ZNF516: variants seen among roughly 807,000 people sequenced by gnomAD.
The protein encoded by ZNF516 is zinc finger protein 516.
ZNF516 carries 19 observed loss-of-function variants against 79.7 expected under a neutral mutation model. The ratio of observed to expected loss-of-function variants is 0.24; its 90% CI spans 0.17 to 0.35. The LOEUF (loss-of-function observed/expected upper bound fraction) is 0.35, where lower values mean the gene tolerates loss of function less well. Among genes scored for constraint, ZNF516 ranks in the 10% least tolerant of loss-of-function variants. ZNF516 has a pLI of 1.00. For synonymous variants in ZNF516, 877 were observed against 739.5 expected (o/e 1.19, Z -3.02); for missense variants, 1,678 against 1,679.5 (o/e 1.00, Z 0.02).
rs373836297 is a variant in ZNF516, at chr18:76,369,528, CTCTTA to C, written c.3432+995_3432+999del. Among the ~76,000 whole-genome samples the C allele has an allele frequency of 9.8e-4, 150 of 152,292 alleles. 1 individual carries two copies. The highest frequency in any genetic ancestry group is 3.4e-3 in the African/African-American group (141 of 41,556). On this transcript the variant is annotated intron_variant, in intron 6 of 6. Coordinates refer to ENST00000443185, the MANE Select transcript of ZNF516 (RefSeq NM_014643.4). ...GGTCCTTGGTGAAGCCATTTCATGC[CTCTTA>C]TCTTTTTCCTCTAGAAATAAACTAG...
chr18:76,473,915 G>GC (rs1914025360), intron 1 of ZNF516, among the ~76,000 whole-genome samples: 1 of 133,952 alleles, frequency 7.5e-6, no homozygotes, highest in African/African-American at 2.6e-5. Context: ...GGGGGGGGGG[G>GC]GGCTTTCTTT....
chr18:76,469,728 C>G (rs1913714155), intron 1 of ZNF516, among the ~76,000 whole-genome samples: 1 of 152,208 alleles, frequency 6.6e-6, no homozygotes, highest in Admixed American at 6.5e-5. Context: ...GGTTAAACCA[C>G]TGTACTCAGA....
At chr18:76,422,107 G>C (rs186852961) in intron 3 of ZNF516, among the ~76,000 whole-genome samples, 2 of 152,220 alleles carry the variant, frequency 1.3e-5, no homozygotes, top group Non-Finnish European at 2.9e-5. Context: ...ATCTATGCTA[G>C]TATCACCCAA....
At chr18:76,412,931 C>T (rs2075389103) in intron 3 of ZNF516, among the ~76,000 whole-genome samples, 1 of 152,226 alleles carries the variant, frequency 6.6e-6, no homozygotes, top group Admixed American at 6.5e-5. Context: ...CCATAACCTA[C>T]CCGGAACCTA....
Position 76,380,376 on chromosome 18 carries a change from A to T in ZNF516, c.1811-73T>A, listed in dbSNP as rs2074871889. On this transcript the variant is annotated intron_variant, in intron 3 of 6. Coordinates refer to ENST00000443185, the MANE Select transcript of ZNF516 (RefSeq NM_014643.4). ...ACACAGCAAGACACACGGTGCGTAC[A>T]GCTACAGCATGTTCCAAGCCATCTG... 4 of 1,540,688 alleles carry T rather than the reference A, an allele frequency of 2.6e-6. No individual in the cohort carries two copies. The African/African-American group carries it at 5.4e-5, about 21-fold the overall frequency.
At chr18:76,378,782 G>A in intron 4 of ZNF516, 73 bp downstream of exon 4, 5 of 1,532,820 alleles carry the variant, frequency 3.3e-6, no homozygotes, top group Non-Finnish European at 4.4e-6. Flanking sequence ...CAGGTGCGCA[G>A]CAGCCCTGGC....
At chr18:76,407,188 C>G (rs1239342389) in intron 3 of ZNF516, among the ~76,000 whole-genome samples, 3 of 152,152 alleles carry the variant, frequency 2.0e-5, no homozygotes, top group Non-Finnish European at 2.9e-5. Flanking sequence ...CCAAGGCAGC[C>G]TTCCAAAGGC....
At chr18:76,404,714 C>A (rs568404088) in intron 3 of ZNF516, among the ~76,000 whole-genome samples, 2 of 144,140 alleles carry the variant, frequency 1.4e-5, no homozygotes, top group Non-Finnish European at 1.5e-5. Flanking sequence ...AGCATATGCA[C>A]GTGTGCATGT....
chr18:76,379,224 G>A lies in ZNF516; in HGVS notation c.2890C>T (p.Pro964Ser), dbSNP rs763894661. The change falls in exon 4 of 7, where the codon CCC (proline) becomes TCC (serine). Residue 964 changes from proline to serine, a missense_variant. Pro to Ser is a moderately conservative substitution (Grantham distance 74). This residue lies in a region of ZNF516 where 1,294 missense variants were observed against 1,248.3 expected (regional missense o/e 1.04). Coordinates refer to ENST00000443185, the MANE Select transcript of ZNF516 (RefSeq NM_014643.4). ...TCCGGGGCACTGTGCTTATTTGTGG[G>A]GGCAAAGCCAGCCCCCGCTGGGGGG... ...GVPPAGAGFA[P>S]TNKHSAPDSL... is the part of the protein sequence containing the mutation. 4.3e-6 allele frequency: 7 copies of A among 1,612,700 alleles called. No homozygotes were observed. Among genetic ancestry groups the A allele is most frequent in the South Asian group, 1.1e-5 (1 of 91,090 alleles).
At position 76,441,500 on chromosome 18, in the gene ZNF516, C is replaced by A; in HGVS notation, c.1555G>T (p.Glu519Ter). Residue 519 changes from glutamate (E) to a stop codon, truncating the protein, a stop_gained, in exon 3 of 7, where the codon GAG (glutamate) becomes TAG (stop). Transcript: ENST00000443185. LOFTEE classifies it high-confidence loss of function. ...TAGGTGCGGAAGATCTTGCCGCACTCGAAGCACTCGGAGGACTTGCCCTGG... is the reference window on the plus strand; with the variant it reads ...TAGGTGCGGAAGATCTTGCCGCACTAGAAGCACTCGGAGGACTTGCCCTGG... ...TGQGKSSECF[E>*]CGKIFRTYHQ... The A allele has an allele frequency of 6.3e-7, 1 of 1,594,744 alleles. No individual in the cohort carries two copies. The highest frequency in any genetic ancestry group is 1.7e-5 in the Admixed American group (1 of 58,148).
chr18:76,483,291 A>G (rs1413388875), intron 1 of ZNF516, among the ~76,000 whole-genome samples: 1 of 152,188 alleles, frequency 6.6e-6, no homozygotes, highest in Non-Finnish European at 1.5e-5. Context: ...TTGGAAAGAA[A>G]GGAGGAGAAT....
rs2074528375 is a variant in ZNF516, at chr18:76,360,885, G to GT, written c.*1612dup. ...CACTTTAGGGTGTGTGTGTGTGTTT[G>GT]TGTGTGTGTGTGTCTGTGTTTAAAC... On this transcript the variant is annotated 3_prime_UTR_variant, in exon 7 of 7. Coordinates refer to ENST00000443185, the MANE Select transcript of ZNF516 (RefSeq NM_014643.4). The GT allele has an allele frequency of 6.7e-6, 1 of 150,010 alleles. No individual in the cohort carries two copies. Among genetic ancestry groups the GT allele is most frequent in the Non-Finnish European group, 1.5e-5 (1 of 67,522 alleles). 9.3% of individuals were successfully genotyped at this position (150,010 alleles called of 1,614,324 possible).
intron 3 of ZNF516, among the ~76,000 whole-genome samples, chr18:76,403,385 G>A (rs1360419588): frequency 1.3e-5 from 2 of 152,182 alleles, no homozygotes; most frequent in Non-Finnish European, 2.9e-5. Context: ...ACAAGCATGT[G>A]GTCATGCATT....
At chr18:76,417,209 A>G (rs371134475) in intron 3 of ZNF516, among the ~76,000 whole-genome samples, 1 of 152,310 alleles carries the variant, frequency 6.6e-6, no homozygotes, top group East Asian at 1.9e-4. Context: ...CTTATTCTCA[A>G]CTTCAAAGAA....
At chr18:76,470,785 C>T (rs543636457) in intron 1 of ZNF516, among the ~76,000 whole-genome samples, 5 of 152,254 alleles carry the variant, frequency 3.3e-5, no homozygotes, top group East Asian at 1.9e-4. Flanking sequence ...GAGGTCGAGG[C>T]GGGCGGATCA....
chr18:76,464,075 G>A (rs1199492672), intron 1 of ZNF516, among the ~76,000 whole-genome samples: 3 of 152,142 alleles, frequency 2.0e-5, no homozygotes. Context: ...TGTCATCCCG[G>A]CACTTTGGGA....
At chr18:76,445,399 T>C (rs1443322518) in intron 2 of ZNF516, among the ~76,000 whole-genome samples, 2 of 152,200 alleles carry the variant, frequency 1.3e-5, no homozygotes, top group Non-Finnish European at 2.9e-5. Flanking sequence ...TGGATGGCTG[T>C]GTAATGATTT....
At chr18:76,412,680 G>T (rs2075386230) in intron 3 of ZNF516, among the ~76,000 whole-genome samples, 1 of 152,236 alleles carries the variant, frequency 6.6e-6, no homozygotes, top group Non-Finnish European at 1.5e-5. Context: ...TCAAGTCGTT[G>T]CCAAGATGTG....
rs1041666301 is a variant in ZNF516 at position 76,443,183 on chromosome 18, TG to T, written c.-130del. ...GCTCCCAGGAGGTGCACCTTCTACA[TG>T]GGGGGCGCAGCAGCTGGCAGCCAGC... On this transcript the variant is annotated 5_prime_UTR_variant, in exon 3 of 7. Transcript: ENST00000443185. 8.8e-6 allele frequency: 12 copies of T among 1,361,244 alleles called. No individual in the cohort carries two copies. Among genetic ancestry groups the T allele is most frequent in the South Asian group, 1.6e-5 (1 of 62,906 alleles). The allele number at this position is 1,361,244 out of a possible 1,614,324, so 84.3% of individuals were successfully genotyped here.
Sources: gnomAD v4.1 joint callset for allele counts (sites outside exome capture counted in the v4.1 genomes callset) on GRCh38, gnomAD v4.1.1 for gene constraint, gnomAD v4.1.1 regional missense constraint, MANE v1.5 for transcripts, NCBI Gene and HGNC (gene_info 2026-07-23, HGNC 2026-07-21) for gene names.